Variants in CEP131 observed in about 807,000 individuals in gnomAD.
CEP131 encodes the protein centrosomal protein 131.
In CEP131, 99 loss-of-function variants were observed where a neutral mutation model predicts 136.8. The observed-to-expected ratio is 0.72, with a 90% CI of 0.62 to 0.86. CEP131 has a LOEUF of 0.86. CEP131 is among the 40% of genes least tolerant of loss of function. The probability of loss-of-function intolerance (pLI) is 0.00; values close to 1 mark genes in which losing one functional copy is unlikely to be tolerated. For synonymous variants in CEP131, 646 were observed against 612.7 expected, an observed-to-expected ratio of 1.05 and a Z score of -0.80; for missense variants, 1,459 against 1,463.0, an observed-to-expected ratio of 1.00 and a Z score of 0.04.
intron 1 of CEP131, among the ~76,000 whole-genome samples, chr17:81,221,970 C>T (rs997334313): frequency 2.6e-5 from 4 of 152,206 alleles, no homozygotes; most frequent in African/African-American, 7.2e-5. Context: ...TACCCCTACT[C>T]CCTAGAGGCT....
In CEP131 at chr17:81,197,811, C is replaced by T. The variant is rs964952029; in HGVS notation, c.1548G>A (p.Glu516=). ...GKLSAFPEPP[E]DGTLLSEAKL... ...TGGCCTCCGATAGCAGCGTCCCATC[C>T]TCAGGAGGTTCGGGGAACGCACTGA... Residue 516 remains glutamate (E), a synonymous_variant, in exon 13 of 26, where the codon GAG becomes GAA. Transcript: ENST00000450824. 4 of 1,613,348 alleles carry T rather than the reference C, an allele frequency of 2.5e-6. No homozygotes were observed. The highest frequency in any genetic ancestry group is 1.7e-5 in the Admixed American group (1 of 60,012).
rs749900107 is a variant in CEP131, at chr17:81,199,407, TG to T, written c.1165del (p.His389ThrfsTer55). 16 of 1,605,794 alleles carry T rather than the reference TG, an allele frequency of 1.0e-5. No homozygotes were observed. In the East Asian group the frequency reaches 3.6e-4, roughly 36 times the overall value. Reference protein sequence around the residue: ...ELSPTPGGTAHQALKANNTGG... With the variant: ...ELSPTPGGTAXQALKANNTGG... The stretch of plus-strand genomic sequence containing the variant: ...AGTATTGTTGGCCTTGAGGGCCTGG[TG>T]GGCAGTGCCGCCTGGTGTGGGGGAC... On this transcript the variant is annotated frameshift_variant, in exon 10 of 26. Coordinates refer to ENST00000450824, the MANE Select transcript of CEP131 (RefSeq NM_014984.4). LOFTEE classifies it high-confidence loss of function.
At position 81,215,183 on chromosome 17, in the gene CEP131, T is replaced by C. The variant is rs2062219399; in HGVS notation, c.177+4697A>G. Among the ~76,000 whole-genome samples the C allele has an allele frequency of 1.3e-5, 2 of 151,514 alleles. No homozygotes were observed. Among genetic ancestry groups the C allele is most frequent in the East Asian group, 1.9e-4 (1 of 5,166 alleles). ...ATCATAGCTCACTGCAGCCTCAAAC[T>C]TTCTGGGTTCAAGCCATCCTCCTGC... On this transcript the variant is annotated intron_variant, in intron 2 of 25. Transcript: ENST00000450824. The surrounding 1 kb of genome is among the most constrained non-coding windows in gnomAD (Gnocchi z 4.1).
intron 5 of CEP131, among the ~76,000 whole-genome samples, chr17:81,206,176 C>T (rs192615591): frequency 3.9e-5 from 6 of 151,910 alleles, no homozygotes; most frequent in Admixed American, 2.0e-4. Context: ...ATCATGCCAC[C>T]GCACTCCAGC....
intron 21 of CEP131, among the ~76,000 whole-genome samples, chr17:81,192,063 G>C (rs1016379396): frequency 6.6e-6 from 1 of 152,086 alleles, no homozygotes; most frequent in African/African-American, 2.4e-5. Flanking sequence ...TAGCGAGAGG[G>C]GCAACGCCTG....
At position 81,190,703 on chromosome 17, in the gene CEP131, C is replaced by T; in HGVS notation, c.3043G>A (p.Ala1015Thr). 1 of 1,607,866 alleles carries T rather than the reference C, an allele frequency of 6.2e-7. No individual in the cohort carries two copies. The highest frequency in any genetic ancestry group is 8.5e-7 in the Non-Finnish European group (1 of 1,178,536). The change falls in exon 24 of 26, where the codon GCC becomes ACC. Residue 1015 changes from alanine to threonine, a missense_variant. Ala to Thr is a moderately conservative substitution (Grantham distance 58). This residue lies in a region of CEP131 where 1,026 missense variants were observed against 964.2 expected (regional missense o/e 1.06). Coordinates refer to ENST00000450824, the MANE Select transcript of CEP131 (RefSeq NM_014984.4). ...LAASEEETRQ[A>T]KAELATLQAR... is the part of the protein sequence containing the mutation. ...TGCAGCGTGGCCAGCTCGGCCTTGGCCTGCCGCGTCTCCTCCTCAGAGGCT... is the reference window on the plus strand; with the variant it reads ...TGCAGCGTGGCCAGCTCGGCCTTGGTCTGCCGCGTCTCCTCCTCAGAGGCT...
intron 13 of CEP131, 115 bp from the exon 14 acceptor site, chr17:81,197,170 G>A: frequency 2.1e-6 from 3 of 1,416,612 alleles, no homozygotes; most frequent in Non-Finnish European, 2.8e-6. Context: ...GCTGCACACG[G>A]GAGCCCGTGG....
intron 13 of CEP131, 129 bp downstream of exon 13, chr17:81,197,583 G>A: frequency 2.9e-6 from 4 of 1,374,806 alleles, no homozygotes; most frequent in East Asian, 2.5e-5. Context: ...GGTGGGGGCT[G>A]GCGAGAGACC....
chr17:81,203,413 G>T lies in CEP131; in HGVS notation c.629+81C>A. ...TGAACTGACCGCGTGCCCTGACCGA[G>T]GTCGGACCCCAGGTGCACTGACTAC... On this transcript the variant is annotated intron_variant, in intron 6 of 25. Coordinates refer to ENST00000450824, the MANE Select transcript of CEP131 (RefSeq NM_014984.4). The surrounding 1 kb of genome is among the most constrained non-coding windows in gnomAD (Gnocchi z 4.6). 8.5e-7 allele frequency: 1 copy of T among 1,172,534 alleles called. No individual in the cohort carries two copies. The highest frequency in any genetic ancestry group is 1.2e-6 in the Non-Finnish European group (1 of 820,830). 72.6% of individuals were successfully genotyped at this position (1,172,534 alleles called of 1,614,324 possible). A position where few individuals can be genotyped will look rare whatever the true frequency, so the allele number is the denominator to read the frequency against.
chr17:81,220,555 C>T (rs111874289), intron 1 of CEP131, among the ~76,000 whole-genome samples: 26 of 152,148 alleles, frequency 1.7e-4, no homozygotes, highest in South Asian at 6.2e-4. Context: ...AGTGCAGTGG[C>T]GCGATCTCGG....
At position 81,209,042 on chromosome 17, in the gene CEP131, A is replaced by T; in HGVS notation, c.178-20T>A. On this transcript the variant is annotated intron_variant, in intron 2 of 25. Coordinates refer to ENST00000450824, the MANE Select transcript of CEP131 (RefSeq NM_014984.4). ...GGCCTCCTGCAAAAAGGGAGAAAAC[A>T]GTTAATTATGCAGCAAAGGCTCACT... is the stretch of plus-strand genomic sequence containing the variant. 2 of 1,564,590 alleles carry T rather than the reference A, an allele frequency of 1.3e-6. No individual in the cohort carries two copies. The highest frequency in any genetic ancestry group is 1.8e-6 in the Non-Finnish European group (2 of 1,137,848).
At chr17:81,195,718 G>T in intron 16 of CEP131, 117 bp downstream of exon 16, 1 of 897,320 alleles carries the variant, frequency 1.1e-6, no homozygotes, top group South Asian at 1.5e-5. Context: ...CTGTGGCCCT[G>T]ACACACCGAG....
At chr17:81,214,706 C>T (rs1203444254) in intron 2 of CEP131, among the ~76,000 whole-genome samples, 2 of 152,178 alleles carry the variant, frequency 1.3e-5, no homozygotes, top group Admixed American at 6.5e-5. Context: ...GGCCCCGTGG[C>T]ACCCTGTGAT....
At chr17:81,200,949 G>C (rs779405610) in intron 7 of CEP131, among the ~76,000 whole-genome samples, 1 of 152,146 alleles carries the variant, frequency 6.6e-6, no homozygotes, top group East Asian at 1.9e-4. Context: ...TGGTGGTGCT[G>C]GGCCGTTTCC....
In CEP131 at chr17:81,219,455, G is replaced by A. The variant is rs866997083; in HGVS notation, c.177+425C>T. Among the ~76,000 whole-genome samples, 7 of 151,886 alleles carry A rather than the reference G, an allele frequency of 4.6e-5. No homozygotes were observed. The highest frequency in any genetic ancestry group is 1.5e-4 in the African/African-American group (6 of 41,344). ...ATTACAGGCATGCACCACCATGCCC[G>A]GCTAATTTTTTTTTGTATCTTTAGT... is the stretch of plus-strand genomic sequence containing the variant. On this transcript the variant is annotated intron_variant, in intron 2 of 25. Coordinates refer to ENST00000450824, the MANE Select transcript of CEP131 (RefSeq NM_014984.4). The surrounding 1 kb of genome is among the most constrained non-coding windows in gnomAD (Gnocchi z 4.0).
chr17:81,196,040 A>G, intron 15 of CEP131, 89 bp from the exon 16 acceptor site: 1 of 1,106,606 alleles, frequency 9.0e-7, no homozygotes, highest in South Asian at 1.4e-5. Context: ...CCTCCGAGGG[A>G]GGCTAACAGC....
chr17:81,192,943 T>C (rs1200560421), intron 18 of CEP131, 100 bp from the exon 19 acceptor site: 5 of 1,491,220 alleles, frequency 3.4e-6, no homozygotes, highest in Admixed American at 2.1e-5. Flanking sequence ...GACTCACAGC[T>C]GGAGAGCAGC....
In CEP131 at chr17:81,194,899, G is replaced by C; in HGVS notation, c.2090C>G (p.Thr697Ser). The change falls in exon 17 of 26, where the codon ACC becomes AGC. Residue 697 changes from threonine (T) to serine (S), a missense_variant. Physicochemically the swap from Thr to Ser is moderately conservative, Grantham distance 58 (BLOSUM62 1). Transcript: ENST00000450824. Reference protein sequence around the residue: ...ARREKWISEKTKKIKEVTVRG... With the variant: ...ARREKWISEKSKKIKEVTVRG... ...GACAGTGACCTCCTTGATCTTCTTG[G>C]TTTTCTCACTGATCCACTTCTCCCG... The C allele has an allele frequency of 6.2e-7, 1 of 1,613,430 alleles. No homozygotes were observed. The highest frequency in any genetic ancestry group is 1.1e-5 in the South Asian group (1 of 91,074).
intron 1 of CEP131, among the ~76,000 whole-genome samples, chr17:81,222,531 G>A (rs1172276954): frequency 6.6e-6 from 1 of 152,212 alleles, no homozygotes; most frequent in African/African-American, 2.4e-5. Context: ...TCAGGCACGA[G>A]CCTGTCTTCA....
Sources: gnomAD v4.1 joint callset for allele counts (sites outside exome capture counted in the v4.1 genomes callset) on GRCh38, gnomAD v4.1.1 for gene constraint, gnomAD v4.1.1 regional missense constraint, Gnocchi (gnomAD v3.1) non-coding constraint, MANE v1.5 for transcripts, NCBI Gene and HGNC (gene_info 2026-07-23, HGNC 2026-07-21) for gene names.